PDS5A: variants seen among roughly 807,000 people sequenced by gnomAD.
PDS5A encodes the protein sister chromatid cohesion protein PDS5 homolog A.
Under a neutral mutation model 167.1 loss-of-function variants are expected in PDS5A, and 42 were observed. The ratio of observed to expected loss-of-function variants is 0.25; its 90% CI spans 0.20 to 0.33. The LOEUF is 0.33. Among genes scored for constraint, PDS5A ranks in the 10% least tolerant of loss-of-function variants. The pLI is 1.00. For missense variants in PDS5A, 1,033 were observed against 1,605.9 expected (o/e 0.64, Z 6.10); for synonymous variants, 553 against 554.6 (o/e 1.00, Z 0.04).
In PDS5A at chr4:39,957,877, C is replaced by T. The variant is rs147563796; in HGVS notation, c.138+18563G>A. On this transcript the variant is annotated intron_variant, in intron 2 of 32. Transcript: ENST00000303538. ...GAGGCTAAAAAAAGACTCCACAGGC[C>T]GGGGGTGATGGCTCACGCCTGTAAT... is the stretch of plus-strand genomic sequence containing the variant. Among the ~76,000 whole-genome samples, 698 of 152,014 alleles carry T rather than the reference C, an allele frequency of 4.6e-3. 8 individuals carry two copies. The highest frequency in any genetic ancestry group is 0.016 in the African/African-American group (659 of 41,480).
chr4:39,826,473 TTTTATTTATTTA>T (rs57090254), intron 32 of PDS5A, among the ~76,000 whole-genome samples: 1 of 143,714 alleles, frequency 7.0e-6, no homozygotes, highest in Non-Finnish European at 1.5e-5. Context: ...CATTCCACAT[TTTTATTTATTTA>T]TTTATTTATT....
At chr4:39,935,903 A>C (rs142334044) in intron 2 of PDS5A, among the ~76,000 whole-genome samples, 293 of 152,362 alleles carry the variant, frequency 1.9e-3, no homozygotes, top group African/African-American at 6.6e-3. Context: ...CATTTCACAC[A>C]AATACAAGTA....
intron 16 of PDS5A, among the ~76,000 whole-genome samples, chr4:39,894,463 G>A (rs1477687368): frequency 1.3e-5 from 2 of 151,996 alleles, no homozygotes; most frequent in African/African-American, 4.8e-5. Context: ...AAGTGCAAAG[G>A]TTGAGGTTGT....
At chr4:39,976,293 G>T in intron 2 of PDS5A, 147 bp downstream of exon 2, 1 of 562,556 alleles carries the variant, frequency 1.8e-6, no homozygotes, top group Non-Finnish European at 3.1e-6. Context: ...CTCACTCAAA[G>T]ATGTTATCTG....
Position 39,825,420 on chromosome 4 carries a change from A to C in PDS5A, c.*65T>G, listed in dbSNP as rs923683726. 3.5e-6 allele frequency: 5 copies of C among 1,441,188 alleles called. No homozygotes were observed. In the African/African-American group the frequency reaches 7.1e-5, roughly 20 times the overall value. 89.3% of individuals were successfully genotyped at this position (1,441,188 alleles called of 1,614,324 possible). A position where few individuals can be genotyped will look rare whatever the true frequency, so the allele number is the denominator to read the frequency against. ...CTGTTCAGGGACATTTGTGAATCCAAGTTTTTGCAGAAGCTGGAGCCTGCT... is the reference window on the plus strand; with the variant it reads ...CTGTTCAGGGACATTTGTGAATCCACGTTTTTGCAGAAGCTGGAGCCTGCT... On this transcript the variant is annotated 3_prime_UTR_variant, in exon 33 of 33. Transcript: ENST00000303538.
Position 39,875,014 on chromosome 4 carries a change from T to C in PDS5A, c.2154-602A>G, listed in dbSNP as rs560540994. On this transcript the variant is annotated intron_variant, in intron 19 of 32. Transcript: ENST00000303538. ...AAGACTATCATAGTCATTACACAGA[T>C]GAGAAAATTAAAGCACAAAGATGTT... Among the ~76,000 whole-genome samples the C allele has an allele frequency of 2.6e-5, 4 of 152,248 alleles. No homozygotes were observed. The East Asian group carries it at 7.7e-4, about 29-fold the overall frequency.
intron 22 of PDS5A, among the ~76,000 whole-genome samples, chr4:39,867,774 AC>A (rs1553892710): frequency 9.2e-6 from 1 of 108,518 alleles, no homozygotes; most frequent in Non-Finnish European, 1.9e-5. Flanking sequence ...ACACACACAC[AC>A]CCCACAACTG....
At chr4:39,942,117 C>T (rs79987935) in intron 2 of PDS5A, among the ~76,000 whole-genome samples, 5,178 of 149,430 alleles carry the variant, frequency 0.035, 214 homozygotes, top group East Asian at 0.23. Context: ...CCTATGGCCG[C>T]ATTCCTTATG....
chr4:39,865,819 C>A (rs560354357), intron 23 of PDS5A, among the ~76,000 whole-genome samples: 1 of 152,294 alleles, frequency 6.6e-6, no homozygotes, highest in African/African-American at 2.4e-5. Flanking sequence ...AATGATTAAA[C>A]CTCTGTCCTC....
chr4:39,920,511 T>C (rs1724858179), intron 6 of PDS5A, 112 bp from the exon 7 acceptor site: 1 of 428,242 alleles, frequency 2.3e-6, no homozygotes, highest in Admixed American at 4.3e-5. Flanking sequence ...TTTGCTTCAC[T>C]AAAATATGAA....
In PDS5A at chr4:39,902,431, T is replaced by C. The variant is rs1312528148; in HGVS notation, c.1415A>G (p.Tyr472Cys). Residue 472 changes from tyrosine (Y) to cysteine (C), a missense_variant, in exon 13 of 33, where the codon TAT (tyrosine) becomes TGT (cysteine). Coordinates refer to ENST00000303538, the MANE Select transcript of PDS5A (RefSeq NM_001100399.2). ...KLLVEKIFAQ[Y>C]LVPHNLETEE... ...TGTTTCCAGGTTGTGGGGGACAAGA[T>C]ACTGAGCAAAGATTTTCTCTACCAA... 6.3e-7 allele frequency: 1 copy of C among 1,580,114 alleles called. No individual in the cohort carries two copies. The highest frequency in any genetic ancestry group is 8.7e-7 in the Non-Finnish European group (1 of 1,155,696).
intron 7 of PDS5A, among the ~76,000 whole-genome samples, chr4:39,917,426 A>T (rs1724494826): frequency 6.6e-6 from 1 of 152,164 alleles, no homozygotes; most frequent in Non-Finnish European, 1.5e-5. Flanking sequence ...GCAAAAAAAA[A>T]TTGGTTTGTT....
In PDS5A at chr4:39,919,373, C is replaced by T. The variant is rs552656925; in HGVS notation, c.735+946G>A. Among the ~76,000 whole-genome samples, 3 of 152,244 alleles carry T rather than the reference C, an allele frequency of 2.0e-5. No individual in the cohort carries two copies. The East Asian group carries it at 5.8e-4, about 29-fold the overall frequency. The stretch of plus-strand genomic sequence containing the variant: ...AAATTTTACATAAAATAGCCGGGTG[C>T]GGTGGCTCACGCCTGTAATCCCAGC... On this transcript the variant is annotated intron_variant, in intron 7 of 32. Coordinates refer to ENST00000303538, the MANE Select transcript of PDS5A (RefSeq NM_001100399.2).
At chr4:39,878,500 G>A (rs905867178) in intron 18 of PDS5A, among the ~76,000 whole-genome samples, 25 of 151,946 alleles carry the variant, frequency 1.6e-4, no homozygotes, top group African/African-American at 5.8e-4. Flanking sequence ...GGGAGGCTGA[G>A]GCAGGAGAAT....
At chr4:39,848,748 TTACTC>T in intron 28 of PDS5A, 98 bp downstream of exon 28, 1 of 1,041,780 alleles carries the variant, frequency 9.6e-7, no homozygotes, top group Non-Finnish European at 1.4e-6. Context: ...GATTTTTTCT[TTACTC>T]TGTGGTCAAG....
At chr4:39,888,281 A>C (rs1721659497) in intron 17 of PDS5A, among the ~76,000 whole-genome samples, 1 of 151,128 alleles carries the variant, frequency 6.6e-6, no homozygotes, top group Admixed American at 6.6e-5. Flanking sequence ...TTTTATCAAC[A>C]AGACAGGGAA....
intron 28 of PDS5A, chr4:39,848,411 T>C (rs1472834869): frequency 1.8e-5 from 3 of 163,754 alleles, no homozygotes; most frequent in African/African-American, 2.4e-5. Context: ...AATGGTTTTA[T>C]GTGATAAACT....
chr4:39,900,559 A>T, intron 13 of PDS5A, 52 bp from the exon 14 acceptor site: 1 of 1,178,442 alleles, frequency 8.5e-7, no homozygotes, highest in Non-Finnish European at 1.2e-6. Context: ...ACTGGAAATT[A>T]TTCAGCTTTA....
intron 28 of PDS5A, chr4:39,846,626 T>C (rs770863852): frequency 1.3e-5 from 2 of 152,266 alleles, no homozygotes; most frequent in Non-Finnish European, 1.5e-5. Flanking sequence ...GTTATATCTA[T>C]ATAAAAATTA....
Sources: allele counts gnomAD v4.1 joint callset (sites outside exome capture counted in the v4.1 genomes callset), GRCh38; gene constraint gnomAD v4.1.1; transcripts MANE v1.5; gene names NCBI Gene and HGNC (gene_info 2026-07-23, HGNC 2026-07-21).